Variants in PCDH9 observed in about 807,000 individuals in gnomAD.
The protein encoded by PCDH9 is protocadherin 9, also known as protocadherin-9.
Under a neutral mutation model 70.6 loss-of-function variants are expected in PCDH9, and 24 were observed. The observed-to-expected ratio is 0.34, with a 90% CI of 0.25 to 0.48. The LOEUF (loss-of-function observed/expected upper bound fraction) is 0.48. PCDH9 is among the 20% of genes least tolerant of loss of function. The pLI, the probability that PCDH9 is intolerant of heterozygous loss-of-function variation, is 0.99. For synonymous variants in PCDH9, 562 were observed against 558.5 expected (o/e 1.01, Z -0.09); for missense variants, 1,281 against 1,503.6 (o/e 0.85, Z 2.45).
intron 2 of PCDH9, among the ~76,000 whole-genome samples, chr13:66,904,856 A>G (rs2082334152): frequency 1.3e-5 from 2 of 152,028 alleles, no homozygotes; most frequent in South Asian, 4.1e-4. Flanking sequence ...TTTGTTTAAA[A>G]TAAATAGCTA....
At chr13:67,136,446 G>A (rs185888568) in intron 2 of PCDH9, among the ~76,000 whole-genome samples, 2 of 152,274 alleles carry the variant, frequency 1.3e-5, no homozygotes, top group South Asian at 2.1e-4. Context: ...CTCTTCATGT[G>A]TGCCTGTGTT....
At chr13:67,169,552 A>T (rs1362957317) in intron 2 of PCDH9, among the ~76,000 whole-genome samples, 1 of 152,148 alleles carries the variant, frequency 6.6e-6, no homozygotes, top group Non-Finnish European at 1.5e-5. Context: ...AATTATTGTT[A>T]TTGAAATGTT....
intron 3 of PCDH9, among the ~76,000 whole-genome samples, chr13:66,692,807 C>T (rs1466752764): frequency 6.6e-6 from 1 of 151,880 alleles, no homozygotes; most frequent in Non-Finnish European, 1.5e-5. Flanking sequence ...AATCTCTAAT[C>T]AAGAAGAATG....
chr13:66,808,351 A>C (rs1442431703), intron 3 of PCDH9, among the ~76,000 whole-genome samples: 1 of 152,218 alleles, frequency 6.6e-6, no homozygotes, highest in African/African-American at 2.4e-5. Context: ...TAAAAGGTTT[A>C]TAAAAATTAT....
In PCDH9 at chr13:66,831,646, C is replaced by T. The variant is rs187094948; in HGVS notation, c.3138+71858G>A. Among the ~76,000 whole-genome samples, 4 of 152,242 alleles carry T rather than the reference C, an allele frequency of 2.6e-5. No homozygotes were observed. In the East Asian group the frequency reaches 7.7e-4, roughly 29 times the overall value. Reference sequence around the variant, plus strand: ...TTAATTTTCATAAACAGAATTTCATCTCAAGCACCAAATTAAAACTGAGGC... The same window carrying T: ...TTAATTTTCATAAACAGAATTTCATTTCAAGCACCAAATTAAAACTGAGGC... On this transcript the variant is annotated intron_variant, in intron 3 of 4. Transcript: ENST00000377865.
intron 2 of PCDH9, among the ~76,000 whole-genome samples, chr13:67,120,187 AAATAAT>A (rs149316252): frequency 4.2e-5 from 6 of 143,744 alleles, no homozygotes; most frequent in Admixed American, 1.4e-4. Flanking sequence ...CTCATGCATT[AAATAAT>A]AATAATAATA....
intron 2 of PCDH9, among the ~76,000 whole-genome samples, chr13:66,992,373 C>T (rs1254479791): frequency 6.6e-6 from 1 of 152,126 alleles, no homozygotes; most frequent in Non-Finnish European, 1.5e-5. Flanking sequence ...TCACCCCCTC[C>T]AGCGGAATGA....
intron 4 of PCDH9, among the ~76,000 whole-genome samples, chr13:66,538,613 G>T (rs1361320493): frequency 1.3e-5 from 2 of 149,226 alleles, no homozygotes; most frequent in Non-Finnish European, 3.0e-5. Context: ...CCTCTTCCTT[G>T]TTGGGGGTCA....
At chr13:66,478,458 A>G (rs567200327) in intron 4 of PCDH9, among the ~76,000 whole-genome samples, 2 of 152,358 alleles carry the variant, frequency 1.3e-5, no homozygotes, top group South Asian at 4.1e-4. Context: ...GAGGCAGGTA[A>G]AAAGCTAGGC....
At chr13:66,435,744 T>A (rs368554510) in intron 4 of PCDH9, among the ~76,000 whole-genome samples, 1 of 152,190 alleles carries the variant, frequency 6.6e-6, no homozygotes, top group African/African-American at 2.4e-5. Context: ...AATGCTTCTG[T>A]TTTAATCATA....
At chr13:66,910,469 C>A (rs2082442210) in intron 2 of PCDH9, among the ~76,000 whole-genome samples, 1 of 152,024 alleles carries the variant, frequency 6.6e-6, no homozygotes, top group Non-Finnish European at 1.5e-5. Flanking sequence ...CCTTATGGTA[C>A]AATAAATGGA....
rs549102201 is a variant in PCDH9, at chr13:66,902,788, G to GT, written c.3138+715dup. Among the ~76,000 whole-genome samples the GT allele has an allele frequency of 4.6e-5, 7 of 151,562 alleles. No individual in the cohort carries two copies. In the South Asian group the frequency reaches 1.5e-3, roughly 31 times the overall value. The stretch of plus-strand genomic sequence containing the variant: ...TTAAAAACGGCTCAGATAGTAAGTT[G>GT]TATGTTATGTGTTTTTTTACCATGA... On this transcript the variant is annotated intron_variant, in intron 3 of 4. Transcript: ENST00000377865.
At chr13:66,731,072 G>A (rs1172069078) in intron 3 of PCDH9, among the ~76,000 whole-genome samples, 1 of 151,574 alleles carries the variant, frequency 6.6e-6, no homozygotes, top group Non-Finnish European at 1.5e-5. Flanking sequence ...TAAATCCACA[G>A]GGGAATGGTT....
intron 3 of PCDH9, among the ~76,000 whole-genome samples, chr13:66,697,128 T>G (rs1289079055): frequency 1.3e-5 from 2 of 152,122 alleles, no homozygotes. Flanking sequence ...TTAACAATAA[T>G]AACAAAAATA....
intron 2 of PCDH9, among the ~76,000 whole-genome samples, chr13:67,056,363 GTA>G (rs1216895690): frequency 1.2e-5 from 1 of 80,302 alleles, no homozygotes; most frequent in Non-Finnish European, 2.6e-5. Flanking sequence ...GTCTCTTTTT[GTA>G]TCTCTGTGTT....
At chr13:67,134,393 C>G (rs2087180681) in intron 2 of PCDH9, among the ~76,000 whole-genome samples, 1 of 152,002 alleles carries the variant, frequency 6.6e-6, no homozygotes, top group Non-Finnish European at 1.5e-5. Context: ...ATAAGCAGTT[C>G]TTTTTGGCAC....
chr13:67,154,443 G>A (rs1199849748), intron 2 of PCDH9, among the ~76,000 whole-genome samples: 5 of 151,490 alleles, frequency 3.3e-5, no homozygotes, highest in East Asian at 2.0e-4. Flanking sequence ...TGGGCACGGC[G>A]GTAAGTGCCT....
intron 4 of PCDH9, among the ~76,000 whole-genome samples, chr13:66,608,764 T>A (rs1001933913): frequency 7.9e-5 from 12 of 151,726 alleles, no homozygotes; most frequent in African/African-American, 1.2e-4. Flanking sequence ...CGAAAAAAAA[T>A]AATAATAATA....
chr13:66,894,441 G>C (rs2082144214), intron 3 of PCDH9, among the ~76,000 whole-genome samples: 1 of 152,034 alleles, frequency 6.6e-6, no homozygotes, highest in Non-Finnish European at 1.5e-5. Context: ...AGATTATATA[G>C]GTTATGTTAG....
Sources: allele counts gnomAD v4.1 joint callset (sites outside exome capture counted in the v4.1 genomes callset), GRCh38; gene constraint gnomAD v4.1.1; transcripts MANE v1.5; gene names NCBI Gene and HGNC (gene_info 2026-07-23, HGNC 2026-07-21).